The following DPP6 variants were observed in gnomAD, a reference collection of about 807,000 sequenced individuals.
DPP6 encodes the protein A-type potassium channel modulatory protein DPP6.
A neutral mutation model predicts 122.6 loss-of-function variants in DPP6; 69 were observed. The observed-to-expected ratio is 0.56, with a 90% CI of 0.46 to 0.69. The LOEUF (loss-of-function observed/expected upper bound fraction) is 0.69, where lower values mean the gene tolerates loss of function less well. DPP6 is among the 30% of genes least tolerant of loss of function. The probability of loss-of-function intolerance (pLI) is 0.00; values close to 1 mark genes in which losing one functional copy is unlikely to be tolerated. For synonymous variants in DPP6, 418 were observed against 433.1 expected, an observed-to-expected ratio of 0.97 and a Z score of 0.43; for missense variants, 928 against 1,116.9, an observed-to-expected ratio of 0.83 and a Z score of 2.41.
In DPP6 at chr7:154,807,010, A is replaced by C; in HGVS notation, c.1564A>C (p.Asn522His). 1 of 1,613,868 alleles carries C rather than the reference A, an allele frequency of 6.2e-7. No individual in the cohort carries two copies. The highest frequency in any genetic ancestry group is 8.5e-7 in the Non-Finnish European group (1 of 1,179,824). The change falls in exon 16 of 26, where the codon AAC becomes CAC. Residue 522 changes from asparagine to histidine, a missense_variant. Transcript: ENST00000377770. ...CTCTTCCAGTGCCAACACGGTGGGC[A>C]ACTTCAACAGGCAGTGCCTCTCCTG... Reference protein sequence around the residue: ...RQLYSANTVGNFNRQCLSCDL... With the variant: ...RQLYSANTVGHFNRQCLSCDL...
intron 1 of DPP6, among the ~76,000 whole-genome samples, chr7:154,269,603 A>C (rs980091601): frequency 2.0e-5 from 3 of 152,122 alleles, no homozygotes; most frequent in African/African-American, 7.2e-5. Context: ...GCTATTACCT[A>C]TCCTCCTGAT....
At chr7:154,418,550 C>T (rs112389494) in intron 1 of DPP6, among the ~76,000 whole-genome samples, 4,239 of 152,022 alleles carry the variant, frequency 0.028, 187 homozygotes, top group African/African-American at 0.097. Flanking sequence ...GGACAGGGGA[C>T]GGCTGGAATA....
At chr7:154,158,462 CT>C (rs201701260) in intron 1 of DPP6, among the ~76,000 whole-genome samples, 9,691 of 90,490 alleles carry the variant, frequency 0.11, 388 homozygotes, top group East Asian at 0.3. Flanking sequence ...CTGTTTCTTC[CT>C]TTTTTTAAAA....
chr7:154,507,964 C>G (rs898880993), intron 3 of DPP6, among the ~76,000 whole-genome samples: 4 of 150,602 alleles, frequency 2.7e-5, no homozygotes, highest in African/African-American at 9.7e-5. Flanking sequence ...ATTAATCTCT[C>G]TCCCCCATTC....
chr7:154,046,871 C>G (rs902202729), intron 1 of DPP6, among the ~76,000 whole-genome samples: 6 of 152,160 alleles, frequency 3.9e-5, no homozygotes, highest in Admixed American at 6.5e-5. Flanking sequence ...ACTATACCCC[C>G]TTCCTTTATT....
intron 5 of DPP6, among the ~76,000 whole-genome samples, chr7:154,593,062 A>T (rs73727308): frequency 6.6e-6 from 1 of 152,172 alleles, no homozygotes; most frequent in African/African-American, 2.4e-5. Flanking sequence ...GAAGGAACAC[A>T]GGCCATCAGC....
In DPP6 at chr7:154,419,879, A is replaced by G. The variant is rs574731417; in HGVS notation, c.244-26335A>G. Among the ~76,000 whole-genome samples the G allele has an allele frequency of 4.7e-4, 71 of 152,304 alleles. No individual in the cohort carries two copies. In the South Asian group the frequency reaches 5.0e-3, roughly 11 times the overall value. On this transcript the variant is annotated intron_variant, in intron 1 of 25. Transcript: ENST00000377770. ...TAAGTGAAATCAGGATGTCAAAGAG[A>G]CACCAGCACCCCCATGCCCATCTGC...
At chr7:154,145,301 G>T (rs1796034400) in intron 1 of DPP6, among the ~76,000 whole-genome samples, 1 of 152,146 alleles carries the variant, frequency 6.6e-6, no homozygotes, top group Non-Finnish European at 1.5e-5. Context: ...CTGCCTGGGG[G>T]CCACATGTAA....
chr7:154,323,499 G>A (rs952224705), intron 1 of DPP6, among the ~76,000 whole-genome samples: 2 of 152,178 alleles, frequency 1.3e-5, no homozygotes, highest in Non-Finnish European at 1.5e-5. Flanking sequence ...CTCCACAAAA[G>A]GTACATGTCT....
the DPP6 span, among the ~76,000 whole-genome samples, chr7:153,831,094 A>G: frequency 6.6e-6 from 1 of 152,216 alleles, no homozygotes; most frequent in African/African-American, 2.4e-5. Flanking sequence ...ATGAATTTGC[A>G]ATTAATTTTA....
intron 1 of DPP6, among the ~76,000 whole-genome samples, chr7:154,256,602 C>T (rs1585756118): frequency 6.6e-6 from 1 of 152,210 alleles, no homozygotes; most frequent in Non-Finnish European, 1.5e-5. Flanking sequence ...GTGGCTCTGC[C>T]TTCTTTTGTT....
intron 23 of DPP6, 72 bp from the exon 24 acceptor site, chr7:154,889,196 TCAGG>T: frequency 1.4e-5 from 22 of 1,547,434 alleles, no homozygotes; most frequent in African/African-American, 2.8e-5. Flanking sequence ...ACCTTCTCAG[TCAGG>T]TTTCCAAGCA....
chr7:154,563,848 G>A (rs139804195), intron 4 of DPP6, among the ~76,000 whole-genome samples: 1 of 152,274 alleles, frequency 6.6e-6, no homozygotes, highest in Non-Finnish European at 1.5e-5. Flanking sequence ...GTCAGGTCCA[G>A]TGCGGGTTCA....
chr7:153,972,157 A>G (rs1796051709), intron 1 of DPP6, among the ~76,000 whole-genome samples: 1 of 151,292 alleles, frequency 6.6e-6, no homozygotes, highest in South Asian at 2.1e-4. Flanking sequence ...CTCTGATTTC[A>G]TGAAGGAAGC....
intron 16 of DPP6, among the ~76,000 whole-genome samples, chr7:154,840,838 A>G (rs1801470185): frequency 6.6e-6 from 1 of 152,052 alleles, no homozygotes; most frequent in Admixed American, 6.6e-5. Context: ...TGCGCCGCCA[A>G]CTCTGAACTG....
At chr7:154,408,119 T>C (rs1352164790) in intron 1 of DPP6, among the ~76,000 whole-genome samples, 1 of 152,208 alleles carries the variant, frequency 6.6e-6, no homozygotes, top group East Asian at 1.9e-4. Context: ...GAAGTAATTC[T>C]AGTTGGAGGG....
At chr7:153,957,466 T>G (rs981295906) in intron 1 of DPP6, among the ~76,000 whole-genome samples, 5 of 152,158 alleles carry the variant, frequency 3.3e-5, no homozygotes, top group African/African-American at 9.7e-5. Context: ...TGAATAAACC[T>G]AAGTTAGTCC....
intron 1 of DPP6, among the ~76,000 whole-genome samples, chr7:154,066,182 C>T (rs1563164005): frequency 6.6e-6 from 1 of 151,862 alleles, no homozygotes; most frequent in Non-Finnish European, 1.5e-5. Context: ...GCCTCAGCCT[C>T]CTGAGTAGCT....
intron 1 of DPP6, among the ~76,000 whole-genome samples, chr7:153,996,052 C>T (rs1797419084): frequency 1.3e-5 from 2 of 152,108 alleles, no homozygotes; most frequent in Admixed American, 6.5e-5. Context: ...TCATTCATTT[C>T]CTGTCACCCA....
Sources: gnomAD v4.1 joint callset for allele counts (sites outside exome capture counted in the v4.1 genomes callset) on GRCh38, gnomAD v4.1.1 for gene constraint, MANE v1.5 for transcripts, NCBI Gene and HGNC (gene_info 2026-07-23, HGNC 2026-07-21) for gene names.